The following MYH9 variants were observed in gnomAD, a reference collection of about 807,000 sequenced individuals.
The protein encoded by MYH9 is myosin heavy chain 9, also known as myosin-9.
MYH9 carries 29 observed loss-of-function variants against 241.9 expected under a neutral mutation model. That is an observed-to-expected ratio of 0.12 (90% CI 0.09 to 0.16). The LOEUF is 0.16. MYH9 is among the 10% of genes least tolerant of loss of function. The pLI, the probability that MYH9 is intolerant of heterozygous loss-of-function variation, is 1.00. For synonymous variants in MYH9, 1,047 were observed against 1,062.6 expected (o/e 0.99, Z 0.29); for missense variants, 1,803 against 2,595.5 (o/e 0.69, Z 6.63).
chr22:36,296,237 C>T (rs763375121), intron 25 of MYH9, among the ~76,000 whole-genome samples: 6 of 152,086 alleles, frequency 3.9e-5, no homozygotes, highest in Non-Finnish European at 8.8e-5. Context: ...AAAATAAAGT[C>T]TCTTTCTTTT....
At chr22:36,327,528 C>T in intron 3 of MYH9, 40 bp from the exon 4 acceptor site, 10 of 1,613,094 alleles carry the variant, frequency 6.2e-6, no homozygotes, top group South Asian at 2.2e-5. Flanking sequence ...CCGCCAGATG[C>T]AAAAGCCTCC....
intron 1 of MYH9, among the ~76,000 whole-genome samples, chr22:36,360,649 CT>C (rs1291437892): frequency 1.3e-5 from 2 of 150,254 alleles, no homozygotes; most frequent in Non-Finnish European, 3.0e-5. Context: ...GGAGGGGGAG[CT>C]TGCAGTGAGC....
chr22:36,343,069 A>T (rs541950861), intron 2 of MYH9, among the ~76,000 whole-genome samples: 18 of 152,250 alleles, frequency 1.2e-4, no homozygotes, highest in Admixed American at 6.5e-4. Context: ...TCACTCCAAA[A>T]CTGGGGATGG....
In MYH9 at chr22:36,300,346, T is replaced by C. The variant is rs2016857093; in HGVS notation, c.2839-82A>G. ...AAGGCAGCAAGGTCCGAAGGCCAGATCCAAACGCCAAGGAGAAAATAGCAA... is the reference window on the plus strand; with the variant it reads ...AAGGCAGCAAGGTCCGAAGGCCAGACCCAAACGCCAAGGAGAAAATAGCAA... On this transcript the variant is annotated intron_variant, in intron 22 of 40. Coordinates refer to ENST00000216181, the MANE Select transcript of MYH9 (RefSeq NM_002473.6). This position sits in a 1 kb window ranked among gnomAD's most constrained non-coding sequence, Gnocchi z 5.0. 1 of 1,586,496 alleles carries C rather than the reference T, an allele frequency of 6.3e-7. No individual in the cohort carries two copies. The highest frequency in any genetic ancestry group is 1.3e-5 in the African/African-American group (1 of 74,612).
intron 1 of MYH9, among the ~76,000 whole-genome samples, chr22:36,351,646 G>A (rs1162588827): frequency 6.6e-6 from 1 of 151,824 alleles, no homozygotes; most frequent in East Asian, 1.9e-4. Context: ...CAGCACCCAG[G>A]CTCCCCAAAG....
At chr22:36,303,138 G>A (rs2016909898) in intron 19 of MYH9, among the ~76,000 whole-genome samples, 1 of 152,102 alleles carries the variant, frequency 6.6e-6, no homozygotes, top group Non-Finnish European at 1.5e-5. Flanking sequence ...GTCAGCTGGA[G>A]GGCTTTTGGA....
chr22:36,337,803 C>T (rs781437650), intron 3 of MYH9, among the ~76,000 whole-genome samples: 14 of 152,108 alleles, frequency 9.2e-5, no homozygotes, highest in African/African-American at 1.4e-4. Context: ...CTGCAGACCC[C>T]GAGGCTCCAC....
rs375664453 is a variant in MYH9, at chr22:36,341,541, G to A, written c.334-15C>T. 3.4e-5 allele frequency: 55 copies of A among 1,613,182 alleles called. No homozygotes were observed. Among genetic ancestry groups the A allele is most frequent in the African/African-American group, 2.5e-4 (19 of 75,038 alleles). ...CCTGAATAGGTCTAAAGAAAAGAGCGGCAGATAGGAACAGGTTAGGAAGTT... is the reference window on the plus strand; with the variant it reads ...CCTGAATAGGTCTAAAGAAAAGAGCAGCAGATAGGAACAGGTTAGGAAGTT... On this transcript the variant is annotated splice_polypyrimidine_tract_variant and intron_variant, in intron 2 of 40. Transcript: ENST00000216181.
chr22:36,381,709 C>T (rs920826487), intron 1 of MYH9, among the ~76,000 whole-genome samples: 4 of 152,110 alleles, frequency 2.6e-5, no homozygotes, highest in Admixed American at 1.3e-4. Context: ...GTGTTTTTCA[C>T]TTACAACATA....
At chr22:36,366,554 C>A (rs559171110) in intron 1 of MYH9, among the ~76,000 whole-genome samples, 1 of 152,332 alleles carries the variant, frequency 6.6e-6, no homozygotes, top group African/African-American at 2.4e-5. Context: ...GCCTCAGAGG[C>A]TCAGGGAGGC....
chr22:36,304,077 G>C lies in MYH9; in HGVS notation c.2308C>G (p.His770Asp), dbSNP rs1302034883. 6.2e-7 allele frequency: 1 copy of C among 1,613,768 alleles called. No homozygotes were observed. The highest frequency in any genetic ancestry group is 8.5e-7 in the Non-Finnish European group (1 of 1,180,044). Reference protein sequence around the residue: ...KVFFRAGVLAHLEEERDLKIT... With the variant: ...KVFFRAGVLADLEEERDLKIT... ...TTCAGGTCTCGCTCCTCCTCCAGGT[G>C]GGCCAGCACACCGGCACGGAAGAAG... Residue 770 changes from histidine (H) to aspartate (D), a missense_variant, in exon 19 of 41, where the codon CAC (histidine) becomes GAC (aspartate). His to Asp is a moderately conservative substitution (Grantham distance 81). Coordinates refer to ENST00000216181, the MANE Select transcript of MYH9 (RefSeq NM_002473.6).
intron 14 of MYH9, among the ~76,000 whole-genome samples, chr22:36,311,795 G>A (rs976821223): frequency 6.6e-6 from 1 of 152,242 alleles, no homozygotes; most frequent in Non-Finnish European, 1.5e-5. Context: ...GATAATGCAT[G>A]ATGACAACCA....
intron 2 of MYH9, among the ~76,000 whole-genome samples, chr22:36,348,153 AT>A (rs1382036674): frequency 2.0e-5 from 3 of 148,926 alleles, no homozygotes; most frequent in Non-Finnish European, 3.0e-5. Flanking sequence ...TTTTAAAGAT[AT>A]TTAAAAAATA....
At chr22:36,364,730 C>T (rs1446974214) in intron 1 of MYH9, 1 of 152,240 alleles carries the variant, frequency 6.6e-6, no homozygotes, top group Non-Finnish European at 1.5e-5. Flanking sequence ...GGACTCTGAT[C>T]ATGGGCTTCA....
chr22:36,312,650 C>G (rs1012253650), intron 13 of MYH9, among the ~76,000 whole-genome samples: 1 of 152,130 alleles, frequency 6.6e-6, no homozygotes, highest in African/African-American at 2.4e-5. Context: ...GTAGGAGGAG[C>G]CCCTTGAGGA....
intron 1 of MYH9, among the ~76,000 whole-genome samples, chr22:36,367,412 A>C (rs2018027129): frequency 6.6e-6 from 1 of 152,186 alleles, no homozygotes; most frequent in Non-Finnish European, 1.5e-5. Flanking sequence ...GCAAGCACAC[A>C]GCCAGCCCTG....
At chr22:36,316,260 C>T (rs914088483) in intron 12 of MYH9, among the ~76,000 whole-genome samples, 19 of 151,698 alleles carry the variant, frequency 1.3e-4, no homozygotes, top group African/African-American at 4.4e-4. Context: ...TCTCAAACTC[C>T]TGACCTCAAG....
chr22:36,308,883 G>A, intron 15 of MYH9: 1 of 984,694 alleles, frequency 1.0e-6, no homozygotes, highest in Non-Finnish European at 1.2e-6. Context: ...GCAACAGAGA[G>A]GTTAAAGCAA....
In MYH9 at chr22:36,288,392, G is replaced by C; in HGVS notation, c.4792C>G (p.Leu1598Val). ...VRQVREMEAE[L>V]EDERKQRSMA... ...GAGCGCTGCTTCCTCTCGTCCTCCA[G>C]CTCTGCCTCCATCTCCCGCACCTGG... is the stretch of plus-strand genomic sequence containing the variant. Residue 1598 changes from leucine (L) to valine (V), a missense_variant, in exon 34 of 41, where the codon CTG (leucine) becomes GTG (valine). Coordinates refer to ENST00000216181, the MANE Select transcript of MYH9 (RefSeq NM_002473.6). This position sits in a 1 kb window ranked among gnomAD's most constrained non-coding sequence, Gnocchi z 4.8. 1 of 1,612,256 alleles carries C rather than the reference G, an allele frequency of 6.2e-7. No homozygotes were observed. Among genetic ancestry groups the C allele is most frequent in the Non-Finnish European group, 8.5e-7 (1 of 1,180,036 alleles).
Sources: allele counts gnomAD v4.1 joint callset (sites outside exome capture counted in the v4.1 genomes callset), GRCh38; gene constraint gnomAD v4.1.1; non-coding constraint Gnocchi (gnomAD v3.1); transcripts MANE v1.5; gene names NCBI Gene and HGNC (gene_info 2026-07-23, HGNC 2026-07-21).